The following PCBP3 variants were observed in gnomAD, a reference collection of about 807,000 sequenced individuals.
PCBP3 encodes poly(rC)-binding protein 3.
Under a neutral mutation model 52.7 loss-of-function variants are expected in PCBP3, and 25 were observed. The observed-to-expected ratio is 0.47, with a 90% confidence interval of 0.35 to 0.66. The LOEUF is 0.66. Ranked by LOEUF, PCBP3 falls within the 30% of genes least tolerant of loss-of-function variation. PCBP3 has a pLI of 0.01. For synonymous variants in PCBP3, 162 were observed against 183.0 expected (o/e 0.89, Z 0.93); for missense variants, 391 against 490.3 (o/e 0.80, Z 1.91).
chr21:45,936,842 T>A (rs1373251239), intron 16 of PCBP3, among the ~76,000 whole-genome samples: 1 of 152,206 alleles, frequency 6.6e-6, no homozygotes, highest in Non-Finnish European at 1.5e-5. Context: ...GATGCTGGTT[T>A]TCCCAGCTCT....
In PCBP3 at chr21:45,827,533, A is replaced by G. The variant is rs2093340044; in HGVS notation, c.-125-22428A>G. On this transcript the variant is annotated intron_variant, in intron 4 of 17. Coordinates refer to ENST00000681687, the MANE Select transcript of PCBP3 (RefSeq NM_001384156.1). The surrounding 1 kb of genome is among the most constrained non-coding windows in gnomAD (Gnocchi z 4.3). ...AAAGATGCTTCAGTGAGCCGTCACC[A>G]GCTCTACACAGTGAGGAAGTGGAAA... Among the ~76,000 whole-genome samples, 1 of 151,494 alleles carries G rather than the reference A, an allele frequency of 6.6e-6. No homozygotes were observed. Among genetic ancestry groups the G allele is most frequent in the Non-Finnish European group, 1.5e-5 (1 of 67,828 alleles).
intron 1 of PCBP3, among the ~76,000 whole-genome samples, chr21:45,667,387 C>T (rs2080879858): frequency 6.6e-6 from 1 of 151,842 alleles, no homozygotes; most frequent in Non-Finnish European, 1.5e-5. Context: ...ACTTTCTGTT[C>T]CTTAGATTGG....
chr21:45,864,285 A>G (rs975744642), intron 5 of PCBP3, among the ~76,000 whole-genome samples: 3 of 152,182 alleles, frequency 2.0e-5, no homozygotes, highest in Non-Finnish European at 4.4e-5. Flanking sequence ...GAAGTCCAAC[A>G]TCCGAGTGAG....
At chr21:45,892,094 A>G (rs1197032910) in intron 5 of PCBP3, among the ~76,000 whole-genome samples, 4 of 152,106 alleles carry the variant, frequency 2.6e-5, no homozygotes, top group Admixed American at 2.6e-4. Context: ...CCTCGGGAGT[A>G]GGGAGGGGAA....
intron 8 of PCBP3, 39 bp downstream of exon 8, chr21:45,900,662 C>A: frequency 1.8e-6 from 1 of 556,398 alleles, no homozygotes; most frequent in Non-Finnish European, 3.6e-6. Context: ...CAGCCATTCC[C>A]GGGTGGGCGG....
intron 3 of PCBP3, among the ~76,000 whole-genome samples, chr21:45,745,790 A>G (rs1433194456): frequency 6.6e-6 from 1 of 152,242 alleles, no homozygotes; most frequent in Non-Finnish European, 1.5e-5. Flanking sequence ...GGAGGCACTG[A>G]ATAGTGGCCA....
chr21:45,935,149 C>T (rs1025348488), intron 15 of PCBP3, 104 bp from the exon 16 acceptor site: 37 of 784,008 alleles, frequency 4.7e-5, no homozygotes, highest in Non-Finnish European at 8.7e-6. Context: ...TGGGCCAGCT[C>T]TACAGCCCTG....
intron 5 of PCBP3, among the ~76,000 whole-genome samples, chr21:45,875,572 G>A (rs2095231880): frequency 6.6e-6 from 1 of 152,182 alleles, no homozygotes; most frequent in Admixed American, 6.5e-5. Flanking sequence ...GCTTCCCCCT[G>A]GCTCAGCCTG....
chr21:45,900,191 A>T (rs2095992536), intron 7 of PCBP3, among the ~76,000 whole-genome samples: 1 of 151,674 alleles, frequency 6.6e-6, no homozygotes, highest in African/African-American at 2.4e-5. Flanking sequence ...TTCCTCCCAA[A>T]CGCTTGAGAG....
At chr21:45,934,755 G>T (rs1325006551) in intron 15 of PCBP3, among the ~76,000 whole-genome samples, 5 of 152,214 alleles carry the variant, frequency 3.3e-5, no homozygotes, top group Non-Finnish European at 5.9e-5. Flanking sequence ...GGTGTCACAG[G>T]GAGGTGGGGC....
chr21:45,892,890 G>A (rs8132062), intron 5 of PCBP3, among the ~76,000 whole-genome samples: 69,845 of 151,532 alleles, frequency 0.46, 17,715 homozygotes, highest in African/African-American at 0.69. Context: ...TTCCATGGCT[G>A]TGCGTCAGGG....
intron 2 of PCBP3, among the ~76,000 whole-genome samples, chr21:45,706,154 C>T (rs895631737): frequency 6.6e-6 from 1 of 152,232 alleles, no homozygotes; most frequent in Non-Finnish European, 1.5e-5. Flanking sequence ...CCTCCTGGAG[C>T]AGTCTTCTCT....
At chr21:45,908,462 C>G (rs1370877645) in intron 9 of PCBP3, among the ~76,000 whole-genome samples, 1 of 152,244 alleles carries the variant, frequency 6.6e-6, no homozygotes. Flanking sequence ...TGTCCAGGCA[C>G]ACACTGGCCA....
At chr21:45,867,163 G>A (rs1440052971) in intron 5 of PCBP3, among the ~76,000 whole-genome samples, 1 of 152,156 alleles carries the variant, frequency 6.6e-6, no homozygotes, top group East Asian at 1.9e-4. Context: ...TTTTGGGGAG[G>A]GCATCCTAGG....
chr21:45,824,174 C>T (rs894649625), intron 4 of PCBP3, among the ~76,000 whole-genome samples: 1 of 152,192 alleles, frequency 6.6e-6, no homozygotes, highest in Non-Finnish European at 1.5e-5. Flanking sequence ...TGCTGAGCCC[C>T]TCACTCTGCC....
chr21:45,696,166 G>A (rs1379364114), intron 2 of PCBP3, among the ~76,000 whole-genome samples: 3 of 150,914 alleles, frequency 2.0e-5, no homozygotes, highest in African/African-American at 4.9e-5. Context: ...CATGAACTTG[G>A]ACTCCGTCTC....
rs371253228 is a variant in PCBP3 at position 45,869,126 on chromosome 21, A to G, written c.10+19031A>G. 3 of 152,122 alleles carry G rather than the reference A, an allele frequency of 2.0e-5. No individual in the cohort carries two copies. In the South Asian group the frequency reaches 6.2e-4, roughly 31 times the overall value. 9.4% of individuals were successfully genotyped at this position (152,122 alleles called of 1,614,324 possible). A position where few individuals can be genotyped will look rare whatever the true frequency, so the allele number is the denominator to read the frequency against. ...ATCTGTAACTTTCTCCAATGCAGACACTAAAATGCAATAAAAACAAACCAA... is the reference window on the plus strand; with the variant it reads ...ATCTGTAACTTTCTCCAATGCAGACGCTAAAATGCAATAAAAACAAACCAA... On this transcript the variant is annotated intron_variant, in intron 5 of 17. Coordinates refer to ENST00000681687, the MANE Select transcript of PCBP3 (RefSeq NM_001384156.1).
At chr21:45,720,237 AG>A (rs1374825411) in intron 2 of PCBP3, among the ~76,000 whole-genome samples, 1 of 150,542 alleles carries the variant, frequency 6.6e-6, no homozygotes, top group African/African-American at 2.5e-5. Flanking sequence ...ACCCCCTGAC[AG>A]GCCCCAGTGT....
chr21:45,866,278 T>G (rs115922711), intron 5 of PCBP3, among the ~76,000 whole-genome samples: 259 of 152,310 alleles, frequency 1.7e-3, no homozygotes, highest in African/African-American at 6.0e-3. Flanking sequence ...CCTGTGCTGT[T>G]CAGTGAGCCA....
Sources: gnomAD v4.1 joint callset for allele counts (sites outside exome capture counted in the v4.1 genomes callset) on GRCh38, gnomAD v4.1.1 for gene constraint, Gnocchi (gnomAD v3.1) non-coding constraint, MANE v1.5 for transcripts, NCBI Gene and HGNC (gene_info 2026-07-23, HGNC 2026-07-21) for gene names.